The following SSH2 variants were observed in gnomAD, a reference collection of about 807,000 sequenced individuals.
SSH2 encodes the protein slingshot protein phosphatase 2, also known as protein phosphatase Slingshot homolog 2.
In SSH2, 37 loss-of-function variants were observed where a neutral mutation model predicts 135.2. The observed-to-expected ratio is 0.27, with a 90% confidence interval of 0.21 to 0.36. The LOEUF is 0.36. Ranked by LOEUF, SSH2 falls within the 10% of genes least tolerant of loss-of-function variation. The probability of loss-of-function intolerance (pLI) is 1.00; values close to 1 mark genes in which losing one functional copy is unlikely to be tolerated. For synonymous variants in SSH2, 628 were observed against 646.2 expected, an observed-to-expected ratio of 0.97 and a Z score of 0.43; for missense variants, 1,408 against 1,765.3, an observed-to-expected ratio of 0.80 and a Z score of 3.63.
In SSH2 at chr17:29,632,191, T is replaced by C. The variant is rs1027955629; in HGVS notation, c.3003A>G (p.Ser1001=). The C allele has an allele frequency of 5.0e-6, 8 of 1,614,052 alleles. No individual in the cohort carries two copies. The highest frequency in any genetic ancestry group is 1.7e-5 in the Admixed American group (1 of 60,020). ...CTCCTTCCTGCTGTGTTCCAGTATC[T>C]GACCCTGGGCCCTCCTGAGGATCTG... The part of the protein sequence containing the change: ...HLPDPQEGPG[S]DTGTQQEGVL... The change falls in exon 16 of 16, where the codon TCA becomes TCG. Residue 1001 remains serine, a synonymous_variant. Coordinates refer to ENST00000540801, the MANE Select transcript of SSH2 (RefSeq NM_001282129.2).
Position 29,913,347 on chromosome 17 carries a change from A to AAAAAAAAAAAAAAAATTAT in SSH2, c.63+16590_63+16591insATAATTTTTTTTTTTTTTT. Among the ~76,000 whole-genome samples the AAAAAAAAAAAAAAAATTAT allele has an allele frequency of 4.9e-4, 14 of 28,786 alleles. 3 individuals are homozygous for AAAAAAAAAAAAAAAATTAT. The highest frequency in any genetic ancestry group is 2.2e-3 in the East Asian group (1 of 450). 18.9% of individuals were successfully genotyped at this position (28,786 alleles called of 152,430 possible). A position where few individuals can be genotyped will look rare whatever the true frequency, so the allele number is the denominator to read the frequency against. On this transcript the variant is annotated intron_variant, in intron 1 of 15. Transcript: ENST00000540801. ...AAAAAAAAAAAAAAAAAAAAAAAAA[A>AAAAAAAAAAAAAAAATTAT]ATATATATATATATATATATATATA...
intron 1 of SSH2, among the ~76,000 whole-genome samples, chr17:29,898,461 C>A (rs1057225305): frequency 6.6e-6 from 1 of 151,956 alleles, no homozygotes; most frequent in Non-Finnish European, 1.5e-5. Context: ...ACCACCGATC[C>A]CACAGAAATA....
chr17:29,761,386 C>A (rs960582015), intron 3 of SSH2: 275 of 1,063,414 alleles, frequency 2.6e-4, no homozygotes, highest in Admixed American at 1.3e-3. Context: ...CCGGGTCGCG[C>A]GGAGGCAGCC....
chr17:29,636,451 A>C lies in SSH2; in HGVS notation c.1779T>G (p.Pro593=). 6.2e-7 allele frequency: 1 copy of C among 1,614,228 alleles called. No homozygotes were observed. Among genetic ancestry groups the C allele is most frequent in the Non-Finnish European group, 8.5e-7 (1 of 1,180,040 alleles). ...CTTTGGATGCATGGCAATTGTCAAG[A>C]GGAAATTTTGATTCATTCAGACAAC... ...SGCCLNESKF[P]LDNCHASKAL... is the part of the protein sequence containing the mutation. The change falls in exon 15 of 16, where the codon CCT becomes CCG. Residue 593 remains proline (P), a synonymous_variant. Coordinates refer to ENST00000540801, the MANE Select transcript of SSH2 (RefSeq NM_001282129.2).
chr17:29,850,205 G>A lies in SSH2; in HGVS notation c.64-1276C>T, dbSNP rs2065530246. Among the ~76,000 whole-genome samples the A allele has an allele frequency of 2.6e-5, 4 of 152,194 alleles. No individual in the cohort carries two copies. The South Asian group carries it at 8.3e-4, about 32-fold the overall frequency. On this transcript the variant is annotated intron_variant, in intron 1 of 15. Coordinates refer to ENST00000540801, the MANE Select transcript of SSH2 (RefSeq NM_001282129.2). ...AGTGAAATAATTAGCTGGTAACATAGGAGTATTTTTCCCTATGACTAACAA... is the reference window on the plus strand; with the variant it reads ...AGTGAAATAATTAGCTGGTAACATAAGAGTATTTTTCCCTATGACTAACAA...
intron 4 of SSH2, 63 bp from the exon 5 acceptor site, chr17:29,695,586 C>G: frequency 6.9e-7 from 1 of 1,441,502 alleles, no homozygotes. Flanking sequence ...GAGAGGATTC[C>G]TTCTACTTTA....
chr17:29,811,162 A>C (rs909624187), intron 2 of SSH2, among the ~76,000 whole-genome samples: 1 of 151,926 alleles, frequency 6.6e-6, no homozygotes, highest in Non-Finnish European at 1.5e-5. Context: ...CACCTGGCTA[A>C]TTTTTGTATT....
At chr17:29,894,530 A>G (rs1415799769) in intron 1 of SSH2, among the ~76,000 whole-genome samples, 2 of 152,148 alleles carry the variant, frequency 1.3e-5, no homozygotes, top group Admixed American at 6.6e-5. Flanking sequence ...TGTAAATACT[A>G]TGTAAATAGC....
At chr17:29,663,951 G>A (rs1264951748) in intron 11 of SSH2, among the ~76,000 whole-genome samples, 1 of 152,186 alleles carries the variant, frequency 6.6e-6, no homozygotes, top group Non-Finnish European at 1.5e-5. Flanking sequence ...GTTGGGATAA[G>A]TTGTATATGG....
At chr17:29,777,784 C>A in intron 3 of SSH2, 1 of 137,764 alleles carries the variant, frequency 7.3e-6, no homozygotes, top group Non-Finnish European at 1.5e-5. Context: ...CTGCACTATC[C>A]CCAAACTAGA....
Position 29,856,382 on chromosome 17 carries a change from G to C in SSH2, c.64-7453C>G, listed in dbSNP as rs557438277. On this transcript the variant is annotated intron_variant, in intron 1 of 15. Transcript: ENST00000540801. The stretch of plus-strand genomic sequence containing the variant: ...CAACAAGATACTGTATGGTTGATAA[G>C]ACCTGTTTGTGATATTTTAATGATG... The C allele has an allele frequency of 1.5e-4, 30 of 194,992 alleles. No individual in the cohort carries two copies. In the South Asian group the frequency reaches 2.7e-3, roughly 17 times the overall value. The allele number at this position is 194,992 out of a possible 1,614,324, so 12.1% of individuals were successfully genotyped here. A position where few individuals can be genotyped will look rare whatever the true frequency, so the allele number is the denominator to read the frequency against.
Position 29,635,149 on chromosome 17 carries a change from G to A in SSH2, c.2262+819C>T, listed in dbSNP as rs148156979. 3.0e-3 allele frequency among the ~76,000 whole-genome samples: 455 copies of A among 152,148 alleles called. 1 individual carries two copies. The highest frequency in any genetic ancestry group is 0.01 in the Middle Eastern group (3 of 294). On this transcript the variant is annotated intron_variant, in intron 15 of 15. Transcript: ENST00000540801. ...GAACTCCTGACCTTGTGATCCGCCC[G>A]CCTTGGCCTCCCAAAGCACTGGGAT...
chr17:29,857,896 C>T (rs2065692327), intron 1 of SSH2, among the ~76,000 whole-genome samples: 2 of 152,198 alleles, frequency 1.3e-5, no homozygotes, highest in Non-Finnish European at 2.9e-5. Flanking sequence ...CTTCATTTCC[C>T]CCTATTCCAA....
At chr17:29,700,535 T>C (rs1485501439) in intron 4 of SSH2, among the ~76,000 whole-genome samples, 1 of 152,194 alleles carries the variant, frequency 6.6e-6, no homozygotes, top group African/African-American at 2.4e-5. Flanking sequence ...ACAAGAGTCT[T>C]ATACTCATTC....
At chr17:29,911,255 C>T (rs1216935849) in intron 1 of SSH2, among the ~76,000 whole-genome samples, 13 of 145,052 alleles carry the variant, frequency 9.0e-5, no homozygotes, top group Admixed American at 6.5e-4. Flanking sequence ...GTGTAGGTAA[C>T]AAAGTAAGCA....
At chr17:29,920,823 G>A (rs1158995199) in intron 1 of SSH2, among the ~76,000 whole-genome samples, 1 of 152,028 alleles carries the variant, frequency 6.6e-6, no homozygotes, top group Non-Finnish European at 1.5e-5. Flanking sequence ...AGACTGGATT[G>A]ATGGCATTAA....
At chr17:29,786,740 C>T (rs2041973353) in intron 3 of SSH2, among the ~76,000 whole-genome samples, 2 of 152,002 alleles carry the variant, frequency 1.3e-5, no homozygotes, top group African/African-American at 4.8e-5. Context: ...TCACTTGAGC[C>T]CAGCAGTTTG....
rs1463767907 is a variant in SSH2 at position 29,627,341 on chromosome 17, T to C, written c.*3500A>G. Reference sequence around the variant, plus strand: ...AAACATGCCTAGATCACTTCAGAACTGAAATCCTCAGATGAAACAGGTGAA... The same window carrying C: ...AAACATGCCTAGATCACTTCAGAACCGAAATCCTCAGATGAAACAGGTGAA... On this transcript the variant is annotated 3_prime_UTR_variant, in exon 16 of 16. Coordinates refer to ENST00000540801, the MANE Select transcript of SSH2 (RefSeq NM_001282129.2). 1 of 152,646 alleles carries C rather than the reference T, an allele frequency of 6.6e-6. No individual in the cohort carries two copies. Among genetic ancestry groups the C allele is most frequent in the Non-Finnish European group, 1.5e-5 (1 of 68,048 alleles). 9.5% of individuals were successfully genotyped at this position (152,646 alleles called of 1,614,324 possible). A position where few individuals can be genotyped will look rare whatever the true frequency, so the allele number is the denominator to read the frequency against.
chr17:29,730,553 A>G (rs1224930506), intron 3 of SSH2, among the ~76,000 whole-genome samples: 2 of 151,242 alleles, frequency 1.3e-5, no homozygotes, highest in East Asian at 1.9e-4. Context: ...ATCTCACTTC[A>G]GCCTTCCAAG....
Sources: gnomAD v4.1 joint callset for allele counts (sites outside exome capture counted in the v4.1 genomes callset) on GRCh38, gnomAD v4.1.1 for gene constraint, MANE v1.5 for transcripts, NCBI Gene and HGNC (gene_info 2026-07-23, HGNC 2026-07-21) for gene names.